OR56A3: variants seen among roughly 807,000 people sequenced by gnomAD.
OR56A3 encodes olfactory receptor 56A3.
OR56A3 carries 23 observed loss-of-function variants against 17.5 expected under a neutral mutation model. The ratio of observed to expected loss-of-function variants is 1.32; its 90% CI spans 0.95 to 1.87. The LOEUF is 1.87. Among genes scored for constraint, OR56A3 ranks in the 40% most tolerant of loss-of-function variants. The probability of loss-of-function intolerance (pLI) is 0.00; values close to 1 mark genes in which losing one functional copy is unlikely to be tolerated. For synonymous variants in OR56A3, 175 were observed against 150.6 expected, an observed-to-expected ratio of 1.16 and a Z score of -1.19; for missense variants, 366 against 380.1, an observed-to-expected ratio of 0.96 and a Z score of 0.31.
At chr11:6,003,654 G>A in the OR56A3 span, among the ~76,000 whole-genome samples, 2 of 152,158 alleles carry the variant, frequency 1.3e-5, no homozygotes, top group South Asian at 4.1e-4. Flanking sequence ...GGGAGACATG[G>A]AGAGAACATG....
At chr11:6,017,174 T>C in the OR56A3 span, 1 of 152,016 alleles carries the variant, frequency 6.6e-6, no homozygotes, top group Non-Finnish European at 1.5e-5. Flanking sequence ...CATTAAATGG[T>C]CAAATATTCA....
In OR56A3 at chr11:5,945,012, G is replaced by T. The variant is rs1466777353; in HGVS notation, c.-107G>T. ...ATCTGACAGGACCCAGTTGAGCAAG[G>T]ACTGGAACTGCTTTTGGGGAATAGG... On this transcript the variant is annotated 5_prime_UTR_variant, in exon 2 of 3. Transcript: ENST00000641160. 6.6e-6 allele frequency: 1 copy of T among 152,170 alleles called. No individual in the cohort carries two copies. The highest frequency in any genetic ancestry group is 1.5e-5 in the Non-Finnish European group (1 of 68,046). The allele number at this position is 152,170 out of a possible 1,614,324, so 9.4% of individuals were successfully genotyped here.
the OR56A3 span, among the ~76,000 whole-genome samples, chr11:5,996,511 T>TC: frequency 1.3e-5 from 2 of 152,104 alleles, no homozygotes; most frequent in Non-Finnish European, 2.9e-5. Flanking sequence ...GTGAAGTTTT[T>TC]TTTTTTTTTT....
chr11:6,012,812 C>A, the OR56A3 span, among the ~76,000 whole-genome samples: 1 of 152,262 alleles, frequency 6.6e-6, no homozygotes, highest in African/African-American at 2.4e-5. Flanking sequence ...CCTCCCTCAG[C>A]TTTCCTCCAA....
At chr11:5,994,554 C>T in the OR56A3 span, 147 of 964,346 alleles carry the variant, frequency 1.5e-4, 2 homozygotes, top group East Asian at 3.1e-3. Context: ...TTGAGAGCCT[C>T]GATCTCTGTC....
At position 5,947,931 on chromosome 11, in the gene OR56A3, T is replaced by C; in HGVS notation, c.585T>C (p.Asp195=). The C allele has an allele frequency of 1.2e-6, 2 of 1,614,210 alleles. No homozygotes were observed. Among genetic ancestry groups the C allele is most frequent in the Non-Finnish European group, 1.7e-6 (2 of 1,180,032 alleles). ...CTGTTTCCAGACTCTCCTGCGATGA[T>C]GTCACCATCAATCACCTTTACCAAT... The part of the protein sequence containing the change: ...NMSVSRLSCD[D]VTINHLYQFA... The change falls in exon 3 of 3, where the codon GAT becomes GAC. Residue 195 remains aspartate (D), a synonymous_variant. Transcript: ENST00000641160.
At chr11:5,967,734 A>T in the OR56A3 span, 1 of 1,611,220 alleles carries the variant, frequency 6.2e-7, no homozygotes, top group Non-Finnish European at 8.5e-7. Flanking sequence ...GACTGTGGTG[A>T]AGAAGAGGAT....
At chr11:5,961,179 C>A in the OR56A3 span, among the ~76,000 whole-genome samples, 1 of 151,396 alleles carries the variant, frequency 6.6e-6, no homozygotes, top group Non-Finnish European at 1.5e-5. Flanking sequence ...AGGTGGGGGG[C>A]CCCTCTGCCC....
chr11:5,968,302 G>A, the OR56A3 span: 3 of 1,612,798 alleles, frequency 1.9e-6, no homozygotes, highest in South Asian at 3.3e-5. Context: ...AGGCTGAGCA[G>A]GTAGTACAGG....
the OR56A3 span, among the ~76,000 whole-genome samples, chr11:6,003,914 A>G: frequency 1.3e-5 from 2 of 152,220 alleles, no homozygotes; most frequent in Non-Finnish European, 1.5e-5. Flanking sequence ...TATCCTTAGC[A>G]TATGTAATCT....
rs904405410 is a variant in OR56A3, at chr11:5,950,581, C to G, written c.*2287C>G. On this transcript the variant is annotated 3_prime_UTR_variant, in exon 3 of 3. Coordinates refer to ENST00000641160, the MANE Select transcript of OR56A3 (RefSeq NM_001003443.3). ...TGTGCTGTGCAATATGAACCACATA[C>G]TTAATTTTAAACTTTTTAGTACACA... 1 of 149,894 alleles carries G rather than the reference C, an allele frequency of 6.7e-6. No homozygotes were observed. Among genetic ancestry groups the G allele is most frequent in the Non-Finnish European group, 1.5e-5 (1 of 66,794 alleles). 9.3% of individuals were successfully genotyped at this position (149,894 alleles called of 1,614,324 possible). A position where few individuals can be genotyped will look rare whatever the true frequency, so the allele number is the denominator to read the frequency against.
At chr11:6,003,265 T>C in the OR56A3 span, 1 of 621,568 alleles carries the variant, frequency 1.6e-6, no homozygotes, top group Non-Finnish European at 2.6e-6. Flanking sequence ...TATCCTAATG[T>C]TACAGGTAAT....
the OR56A3 span, among the ~76,000 whole-genome samples, chr11:5,966,698 G>A: frequency 6.6e-6 from 1 of 152,152 alleles, no homozygotes; most frequent in Non-Finnish European, 1.5e-5. Context: ...GCTGGCCAGG[G>A]ACAGGACATG....
chr11:5,959,231 C>T, the OR56A3 span, among the ~76,000 whole-genome samples: 5 of 152,204 alleles, frequency 3.3e-5, no homozygotes, highest in African/African-American at 1.2e-4. Context: ...TACTAATTTA[C>T]ATTCCCACCA....
the OR56A3 span, chr11:6,020,615 G>A: frequency 6.6e-6 from 1 of 152,090 alleles, no homozygotes; most frequent in Non-Finnish European, 1.5e-5. Flanking sequence ...CAGTTTGGCT[G>A]TTGTTGTTAT....
the OR56A3 span, among the ~76,000 whole-genome samples, chr11:5,969,230 C>A: frequency 6.6e-6 from 1 of 152,196 alleles, no homozygotes; most frequent in Non-Finnish European, 1.5e-5. Flanking sequence ...ACATTTATAA[C>A]CACTAACCTA....
chr11:6,008,966 G>C, the OR56A3 span, among the ~76,000 whole-genome samples: 1 of 152,182 alleles, frequency 6.6e-6, no homozygotes, highest in South Asian at 2.1e-4. Context: ...CCAAATGAGA[G>C]ATATATTATT....
the OR56A3 span, chr11:6,019,761 C>T: frequency 6.6e-6 from 1 of 152,092 alleles, no homozygotes; most frequent in African/African-American, 2.4e-5. Context: ...GACTTCTAAA[C>T]TTAAAATTCA....
chr11:5,958,179 G>A, the OR56A3 span, among the ~76,000 whole-genome samples: 6 of 151,890 alleles, frequency 4.0e-5, no homozygotes, highest in African/African-American at 1.5e-4. Context: ...TTATTTTGAA[G>A]AACAGTACTT....
Sources: allele counts gnomAD v4.1 joint callset (sites outside exome capture counted in the v4.1 genomes callset), GRCh38; gene constraint gnomAD v4.1.1; transcripts MANE v1.5; gene names NCBI Gene and HGNC (gene_info 2026-07-23, HGNC 2026-07-21).